Variants in CRMP1 observed in about 807,000 individuals in gnomAD.
CRMP1 encodes dihydropyrimidinase-related protein 1.
A neutral mutation model predicts 68.3 loss-of-function variants in CRMP1; 19 were observed. That is an observed-to-expected ratio of 0.28 (90% confidence interval 0.19 to 0.41). The LOEUF is 0.41. CRMP1 is among the 10% of genes least tolerant of loss of function. CRMP1 has a pLI of 1.00. For synonymous variants in CRMP1, 439 were observed against 399.6 expected, an observed-to-expected ratio of 1.10 and a Z score of -1.18; for missense variants, 791 against 967.4, an observed-to-expected ratio of 0.82 and a Z score of 2.42.
rs528779875 is a variant in CRMP1 at position 5,832,657 on chromosome 4, C to T, written c.1623+3258G>A. On this transcript the variant is annotated intron_variant, in intron 11 of 13. Coordinates refer to ENST00000324989, the MANE Select transcript of CRMP1 (RefSeq NM_001014809.3). ...AAACAGACAAAATCCTTTGGTCAAA[C>T]CACCTCACGGAATCCTCAACTGTCC... is the stretch of plus-strand genomic sequence containing the variant. Among the ~76,000 whole-genome samples, 4 of 152,270 alleles carry T rather than the reference C, an allele frequency of 2.6e-5. No homozygotes were observed. The South Asian group carries it at 8.3e-4, about 32-fold the overall frequency.
At chr4:5,887,669 C>G (rs1715688854) in intron 1 of CRMP1, 1 of 985,470 alleles carries the variant, frequency 1.0e-6, no homozygotes, top group Admixed American at 6.1e-5. Flanking sequence ...TTATTTTTAG[C>G]TGCGGGGAGG....
In CRMP1 at chr4:5,841,247, CT is replaced by C; in HGVS notation, c.1153+60del. ...AGTTCGGGAGGGAGTGAACTTGAAC[CT>C]GCAGGACACCCCCTTCCAGGCCCCA... On this transcript the variant is annotated intron_variant, in intron 8 of 13. Transcript: ENST00000324989. This position sits in a 1 kb window ranked among gnomAD's most constrained non-coding sequence, Gnocchi z 6.9. The C allele has an allele frequency of 2.5e-6, 4 of 1,613,044 alleles. No homozygotes were observed. Among genetic ancestry groups the C allele is most frequent in the Non-Finnish European group, 3.4e-6 (4 of 1,179,692 alleles).
chr4:5,827,162 G>A (rs1386668485), intron 12 of CRMP1, among the ~76,000 whole-genome samples: 1 of 152,168 alleles, frequency 6.6e-6, no homozygotes, highest in Non-Finnish European at 1.5e-5. Context: ...TGGCATTTGG[G>A]GTCAGATATC....
Position 5,865,769 on chromosome 4 carries a change from T to A in CRMP1, c.470+899A>T, listed in dbSNP as rs576360510. ...GGGCCTTTAAGGAGGTGATTAAGGT[T>A]GTTAAGGTTGAATGAGGCCACAGGA... On this transcript the variant is annotated intron_variant, in intron 2 of 13. Transcript: ENST00000324989. The surrounding 1 kb of genome is among the most constrained non-coding windows in gnomAD (Gnocchi z 4.1). 1.5e-4 allele frequency among the ~76,000 whole-genome samples: 23 copies of A among 152,172 alleles called. No homozygotes were observed. The highest frequency in any genetic ancestry group is 2.4e-4 in the Non-Finnish European group (16 of 68,014).
At position 5,847,983 on chromosome 4, in the gene CRMP1, A is replaced by T. The variant is rs536460939; in HGVS notation, c.963+1409T>A. Among the ~76,000 whole-genome samples, 246 of 152,226 alleles carry T rather than the reference A, an allele frequency of 1.6e-3. 1 individual carries two copies. The highest frequency in any genetic ancestry group is 5.5e-3 in the African/African-American group (230 of 41,530). ...ATCCATGCCTCTGCACCAGAGACCCAGGAGCCTGCCTGACTTCTTTCTCTT... is the reference window on the plus strand; with the variant it reads ...ATCCATGCCTCTGCACCAGAGACCCTGGAGCCTGCCTGACTTCTTTCTCTT... On this transcript the variant is annotated intron_variant, in intron 6 of 13. Coordinates refer to ENST00000324989, the MANE Select transcript of CRMP1 (RefSeq NM_001014809.3).
intron 3 of CRMP1, among the ~76,000 whole-genome samples, chr4:5,857,671 G>C (rs1001492900): frequency 1.3e-5 from 2 of 152,066 alleles, no homozygotes; most frequent in Non-Finnish European, 2.9e-5. Context: ...CTCAAAGAGG[G>C]TAAAGCAATT....
intron 6 of CRMP1, among the ~76,000 whole-genome samples, chr4:5,847,008 G>T (rs1577781584): frequency 6.6e-6 from 1 of 152,230 alleles, no homozygotes; most frequent in East Asian, 1.9e-4. Context: ...GGATGACTCA[G>T]AGGATGGAAG....
At chr4:5,871,253 C>T (rs1467464984) in intron 1 of CRMP1, among the ~76,000 whole-genome samples, 1 of 152,188 alleles carries the variant, frequency 6.6e-6, no homozygotes, top group Non-Finnish European at 1.5e-5. Flanking sequence ...ATTAGTAGTT[C>T]CTTTGCCTCT....
chr4:5,821,051 G>A lies in CRMP1; in HGVS notation c.*709C>T, dbSNP rs1008119761. The stretch of plus-strand genomic sequence containing the variant: ...AACCTGGCTCGGCCTGAAGCCTAGA[G>A]CTGGCTTGAAGAACACACACAGACC... On this transcript the variant is annotated 3_prime_UTR_variant, in exon 14 of 14. Transcript: ENST00000324989. The surrounding 1 kb of genome is among the most constrained non-coding windows in gnomAD (Gnocchi z 4.4). 6.6e-6 allele frequency: 1 copy of A among 152,388 alleles called. No homozygotes were observed. Among genetic ancestry groups the A allele is most frequent in the East Asian group, 1.9e-4 (1 of 5,176 alleles). The allele number at this position is 152,388 out of a possible 1,614,324, so 9.4% of individuals were successfully genotyped here.
Position 5,825,911 on chromosome 4 carries a change from C to G in CRMP1, c.1804-252G>C, listed in dbSNP as rs1045721682. Reference sequence around the variant, plus strand: ...TGCATACACATACAGACGCACACACCACGCACACGCACTCACATACATGCA... The same window carrying G: ...TGCATACACATACAGACGCACACACGACGCACACGCACTCACATACATGCA... On this transcript the variant is annotated intron_variant, in intron 12 of 13. Transcript: ENST00000324989. This position sits in a 1 kb window ranked among gnomAD's most constrained non-coding sequence, Gnocchi z 4.4. 1.4e-5 allele frequency: 7 copies of G among 503,846 alleles called. No homozygotes were observed. In the East Asian group the frequency reaches 2.2e-4, roughly 16 times the overall value. The allele number at this position is 503,846 out of a possible 1,614,324, so 31.2% of individuals were successfully genotyped here.
Position 5,849,472 on chromosome 4 carries a change from G to C in CRMP1, c.883C>G (p.Leu295Val). 1 of 1,607,322 alleles carries C rather than the reference G, an allele frequency of 6.2e-7. No homozygotes were observed. Among genetic ancestry groups the C allele is most frequent in the Non-Finnish European group, 8.5e-7 (1 of 1,175,832 alleles). ...KDVYQMSDSQLYEAFTFLKGL... is the reference protein window; with the variant it reads ...KDVYQMSDSQVYEAFTFLKGL... ...TTAAGGAAGGTAAAGGCTTCATAGAGCTATGGAGAGATAAACAGGGGTTGG... is the reference window on the plus strand; with the variant it reads ...TTAAGGAAGGTAAAGGCTTCATAGACCTATGGAGAGATAAACAGGGGTTGG... Residue 295 changes from leucine (L) to valine (V), a missense_variant and splice_region_variant, in exon 6 of 14, where the codon CTC becomes GTC. Around this residue, in one of 3 missense-constraint regions of CRMP1, gnomAD observed 594 missense variants for 763.6 expected, o/e 0.78. Transcript: ENST00000324989.
rs1045337908 is a variant in CRMP1 at position 5,888,379 on chromosome 4, G to C, written c.381+4210C>G. ...CGCTGACAAAGGCCCGGGAGGGATA[G>C]AGACACGGACGGAGGCTCGGCGCCC... On this transcript the variant is annotated intron_variant, in intron 1 of 13. Coordinates refer to ENST00000324989, the MANE Select transcript of CRMP1 (RefSeq NM_001014809.3). This position sits in a 1 kb window ranked among gnomAD's most constrained non-coding sequence, Gnocchi z 6.4. 8.2e-7 allele frequency: 1 copy of C among 1,225,804 alleles called. No homozygotes were observed. The highest frequency in any genetic ancestry group is 1.0e-6 in the Non-Finnish European group (1 of 982,344). The allele number at this position is 1,225,804 out of a possible 1,614,324, so 75.9% of individuals were successfully genotyped here. A position where few individuals can be genotyped will look rare whatever the true frequency, so the allele number is the denominator to read the frequency against.
intron 6 of CRMP1, among the ~76,000 whole-genome samples, chr4:5,844,225 C>A (rs1210057094): frequency 2.6e-5 from 4 of 152,098 alleles, no homozygotes; most frequent in African/African-American, 9.7e-5. Context: ...ATTTCAGCTA[C>A]CGAAGACACT....
At chr4:5,862,077 A>C (rs898657828) in intron 2 of CRMP1, among the ~76,000 whole-genome samples, 1 of 152,160 alleles carries the variant, frequency 6.6e-6, no homozygotes, top group Non-Finnish European at 1.5e-5. Context: ...CCCCCAAAGA[A>C]GTGGGTGCCA....
intron 4 of CRMP1, 57 bp downstream of exon 4, chr4:5,856,086 T>A: frequency 6.3e-7 from 1 of 1,594,122 alleles, no homozygotes; most frequent in South Asian, 1.1e-5. Flanking sequence ...ACATAATCTT[T>A]GGATCTACCA....
Position 5,891,175 on chromosome 4 carries a change from TACAC to T in CRMP1, c.381+1410_381+1413del, listed in dbSNP as rs58583102. On this transcript the variant is annotated intron_variant, in intron 1 of 13. Transcript: ENST00000324989. The surrounding 1 kb of genome is among the most constrained non-coding windows in gnomAD (Gnocchi z 5.2). ...TGATCACCCCACCACCACACACACA[TACAC>T]ACACACACACACACACACACACACA... Among the ~76,000 whole-genome samples the T allele has an allele frequency of 7.5e-3, 985 of 132,040 alleles. 6 individuals are homozygous for T. The highest frequency in any genetic ancestry group is 0.019 in the African/African-American group (647 of 34,480). 86.6% of individuals were successfully genotyped at this position (132,040 alleles called of 152,430 possible).
Position 5,836,813 on chromosome 4 carries a change from A to G in CRMP1, c.1404T>C (p.Gly468=). Residue 468 remains glycine, a synonymous_variant, in exon 10 of 14, where the codon GGT becomes GGC. Transcript: ENST00000324989. ...GKDNFTLIPE[G]VNGIEERMTV... ...TCATCCGCTCCTCTATCCCGTTGAC[A>G]CCCTCGGGGATCAGGGTAAAGTTGT... 6.2e-7 allele frequency: 1 copy of G among 1,613,970 alleles called. No homozygotes were observed. The highest frequency in any genetic ancestry group is 1.7e-5 in the Admixed American group (1 of 60,008).
intron 1 of CRMP1, among the ~76,000 whole-genome samples, chr4:5,882,914 C>G (rs183660733): frequency 6.6e-6 from 1 of 152,226 alleles, no homozygotes; most frequent in Non-Finnish European, 1.5e-5. Context: ...CCATTCATAT[C>G]TAAGACACAC....
intron 1 of CRMP1, among the ~76,000 whole-genome samples, chr4:5,867,235 C>T (rs1008324802): frequency 2.6e-5 from 4 of 151,592 alleles, no homozygotes; most frequent in South Asian, 2.1e-4. Context: ...TTGATGGTCT[C>T]ATAGACGTCT....
Sources: gnomAD v4.1 joint callset for allele counts (sites outside exome capture counted in the v4.1 genomes callset) on GRCh38, gnomAD v4.1.1 for gene constraint, gnomAD v4.1.1 regional missense constraint, Gnocchi (gnomAD v3.1) non-coding constraint, MANE v1.5 for transcripts, NCBI Gene and HGNC (gene_info 2026-07-23, HGNC 2026-07-21) for gene names.